Variants in AK5 observed in about 807,000 individuals in gnomAD.
AK5 encodes the protein adenylate kinase isoenzyme 5.
A neutral mutation model predicts 69.5 loss-of-function variants in AK5; 27 were observed. That is an observed-to-expected ratio of 0.39 (90% CI 0.29 to 0.54). The LOEUF (loss-of-function observed/expected upper bound fraction) is 0.54. Ranked by LOEUF, AK5 falls within the 20% of genes least tolerant of loss-of-function variation. The probability of loss-of-function intolerance (pLI) is 0.71; values close to 1 mark genes in which losing one functional copy is unlikely to be tolerated. For missense variants in AK5, 531 were observed against 700.4 expected, an observed-to-expected ratio of 0.76 and a Z score of 2.73; for synonymous variants, 260 against 244.4, an observed-to-expected ratio of 1.06 and a Z score of -0.60.
intron 2 of AK5, among the ~76,000 whole-genome samples, chr1:77,290,495 C>T (rs538525136): frequency 1.1e-3 from 174 of 152,206 alleles, no homozygotes; most frequent in African/African-American, 4.0e-3. Flanking sequence ...TATGATAAAG[C>T]AAGGATTAAA....
intron 10 of AK5, among the ~76,000 whole-genome samples, chr1:77,502,620 A>T (rs1243818056): frequency 1.3e-5 from 2 of 151,720 alleles, no homozygotes; most frequent in Admixed American, 1.3e-4. Flanking sequence ...TTTGGCTTTT[A>T]AAAAAAAAGT....
At chr1:77,336,874 A>G (rs1661390506) in intron 5 of AK5, among the ~76,000 whole-genome samples, 1 of 152,034 alleles carries the variant, frequency 6.6e-6, no homozygotes, top group Non-Finnish European at 1.5e-5. Context: ...TTCCTTCAGC[A>G]TTTTAAATAT....
chr1:77,394,045 T>C (rs1272454379), intron 6 of AK5, among the ~76,000 whole-genome samples: 3 of 151,836 alleles, frequency 2.0e-5, no homozygotes, highest in Non-Finnish European at 4.4e-5. Flanking sequence ...TGAAACCCTG[T>C]CTCTACTAAA....
At chr1:77,481,033 G>T (rs1331469343) in intron 8 of AK5, among the ~76,000 whole-genome samples, 1 of 152,208 alleles carries the variant, frequency 6.6e-6, no homozygotes, top group Non-Finnish European at 1.5e-5. Context: ...TTGCACCATG[G>T]ATTCATCCCA....
chr1:77,485,886 G>T (rs753967004), intron 9 of AK5, among the ~76,000 whole-genome samples: 1 of 152,162 alleles, frequency 6.6e-6, no homozygotes, highest in South Asian at 2.1e-4. Flanking sequence ...GGAGGCCAAG[G>T]CAGGTGGATC....
chr1:77,475,860 T>A (rs1654907725), intron 8 of AK5, among the ~76,000 whole-genome samples: 1 of 152,064 alleles, frequency 6.6e-6, no homozygotes, highest in Non-Finnish European at 1.5e-5. Context: ...GGTGCTACAT[T>A]TGGCATCTGA....
rs200196740 is a variant in AK5 at position 77,460,924 on chromosome 1, A to G, written c.1060-22393A>G. Among the ~76,000 whole-genome samples the G allele has an allele frequency of 5.4e-4, 82 of 151,480 alleles. 2 individuals carry two copies. The East Asian group carries it at 0.016, about 29-fold the overall frequency. On this transcript the variant is annotated intron_variant, in intron 8 of 13. Transcript: ENST00000354567. ...TTTTTAGTAGAGACAGGGTTTCACT[A>G]TATTGGCCAGGCTAGTCTTGGGCTT...
intron 8 of AK5, among the ~76,000 whole-genome samples, chr1:77,433,498 G>A (rs1414321326): frequency 1.3e-5 from 2 of 152,218 alleles, no homozygotes; most frequent in East Asian, 3.9e-4. Flanking sequence ...TGACAATTTA[G>A]TCAAAACTTT....
rs1030348927 is a variant in AK5, at chr1:77,559,652, C to T, written c.*982C>T. ...TTCAATGTGTTTGTTTCATATGGGC[C>T]CTTTCCAGGAGTTTGCAAACCTTGT... On this transcript the variant is annotated 3_prime_UTR_variant, in exon 14 of 14. Transcript: ENST00000354567. 6.6e-6 allele frequency: 1 copy of T among 151,982 alleles called. No homozygotes were observed. Among genetic ancestry groups the T allele is most frequent in the Non-Finnish European group, 1.5e-5 (1 of 68,008 alleles). The allele number at this position is 151,982 out of a possible 1,614,324, so 9.4% of individuals were successfully genotyped here.
intron 2 of AK5, among the ~76,000 whole-genome samples, chr1:77,290,542 A>G (rs10493536): frequency 0.1 from 15,334 of 152,220 alleles, 956 homozygotes; most frequent in South Asian, 0.2. Flanking sequence ...TAAATATGAG[A>G]TAAGCATCCC....
chr1:77,307,596 G>A (rs1035157240), intron 5 of AK5, among the ~76,000 whole-genome samples: 1 of 152,150 alleles, frequency 6.6e-6, no homozygotes, highest in African/African-American at 2.4e-5. Context: ...TAGATGAAAT[G>A]CTCTGTAAAT....
chr1:77,320,205 A>G (rs931062195), intron 5 of AK5, among the ~76,000 whole-genome samples: 4 of 152,280 alleles, frequency 2.6e-5, no homozygotes, highest in African/African-American at 4.8e-5. Flanking sequence ...TGAGAACAGC[A>G]TGGGGGTAAA....
At chr1:77,508,888 G>C (rs918160100) in intron 10 of AK5, among the ~76,000 whole-genome samples, 1 of 151,938 alleles carries the variant, frequency 6.6e-6, no homozygotes, top group South Asian at 2.1e-4. Context: ...AAAGAAGAAG[G>C]TGGGGATGAG....
chr1:77,542,177 G>T (rs116319579), intron 13 of AK5, among the ~76,000 whole-genome samples: 3 of 152,050 alleles, frequency 2.0e-5, no homozygotes, highest in African/African-American at 7.2e-5. Flanking sequence ...ATAAAAATTC[G>T]CTAGACGTGG....
chr1:77,453,203 A>G (rs780377709), intron 8 of AK5, among the ~76,000 whole-genome samples: 3 of 152,212 alleles, frequency 2.0e-5, no homozygotes, highest in Non-Finnish European at 4.4e-5. Context: ...GTGTAGGTAT[A>G]TCTGTAGAAT....
At chr1:77,535,119 C>T (rs1418997610) in intron 12 of AK5, among the ~76,000 whole-genome samples, 1 of 152,192 alleles carries the variant, frequency 6.6e-6, no homozygotes. Flanking sequence ...TAGATGGCAG[C>T]GGACTCCCCA....
intron 6 of AK5, among the ~76,000 whole-genome samples, chr1:77,362,967 C>T (rs1006452649): frequency 6.6e-6 from 1 of 152,142 alleles, no homozygotes; most frequent in Admixed American, 6.5e-5. Flanking sequence ...AACACATAAT[C>T]ACTTCCTTGG....
At chr1:77,307,165 T>C (rs1479009014) in intron 5 of AK5, among the ~76,000 whole-genome samples, 1 of 151,968 alleles carries the variant, frequency 6.6e-6, no homozygotes, top group Non-Finnish European at 1.5e-5. Flanking sequence ...TTTTGCTTTT[T>C]TAAAATTCAG....
chr1:77,372,048 C>G (rs1438120309), intron 6 of AK5, among the ~76,000 whole-genome samples: 1 of 152,148 alleles, frequency 6.6e-6, no homozygotes, highest in East Asian at 1.9e-4. Context: ...TTTCCCAATT[C>G]TTACTAATGC....
Sources: gnomAD v4.1 joint callset for allele counts (sites outside exome capture counted in the v4.1 genomes callset) on GRCh38, gnomAD v4.1.1 for gene constraint, MANE v1.5 for transcripts, NCBI Gene and HGNC (gene_info 2026-07-23, HGNC 2026-07-21) for gene names.